ATP6V1C2: variants seen among roughly 807,000 people sequenced by gnomAD.
ATP6V1C2 encodes V-type proton ATPase subunit C 2.
A neutral mutation model predicts 56.8 loss-of-function variants in ATP6V1C2; 45 were observed. That is an observed-to-expected ratio of 0.79 (90% confidence interval 0.62 to 1.02). ATP6V1C2 has a LOEUF of 1.02. ATP6V1C2 is among the 50% of genes least tolerant of loss of function. The pLI is 0.00. For missense variants in ATP6V1C2, 463 were observed against 519.7 expected, an observed-to-expected ratio of 0.89 and a Z score of 1.06; for synonymous variants, 220 against 201.3, an observed-to-expected ratio of 1.09 and a Z score of -0.79.
intron 6 of ATP6V1C2, among the ~76,000 whole-genome samples, chr2:10,769,718 C>A (rs527839424): frequency 1.9e-4 from 28 of 149,988 alleles, no homozygotes; most frequent in East Asian, 4.0e-4. Context: ...AACAAACAAA[C>A]AAAAAAAACA....
At chr2:10,743,991 AAAAAAATAAT>A (rs754711431) in intron 3 of ATP6V1C2, among the ~76,000 whole-genome samples, 3 of 141,362 alleles carry the variant, frequency 2.1e-5, no homozygotes, top group Non-Finnish European at 4.7e-5. Context: ...CAAAAAAAAA[AAAAAAATAAT>A]AATAATAAAT....
At chr2:10,743,995 A>AAT (rs1662715695) in intron 3 of ATP6V1C2, among the ~76,000 whole-genome samples, 1 of 40,394 alleles carries the variant, frequency 2.5e-5, no homozygotes, top group African/African-American at 5.7e-5. Flanking sequence ...AAAAAAAAAA[A>AAT]AATAATAATA....
At position 10,760,842 on chromosome 2, in the gene ATP6V1C2, G is replaced by C. The variant is rs796075848; in HGVS notation, c.284-3489G>C. On this transcript the variant is annotated intron_variant, in intron 4 of 13. Coordinates refer to ENST00000272238, the MANE Select transcript of ATP6V1C2 (RefSeq NM_001039362.2). ...TGAATGCCATGAAGACCTTGGACTT[G>C]GTGCAAATGGCCAGAGACAAGAGCT... 2.6e-5 allele frequency among the ~76,000 whole-genome samples: 4 copies of C among 152,326 alleles called. 1 individual carries two copies. The highest frequency in any genetic ancestry group is 9.6e-5 in the African/African-American group (4 of 41,566).
chr2:10,760,767 T>C (rs1378779033), intron 4 of ATP6V1C2, among the ~76,000 whole-genome samples: 7 of 152,192 alleles, frequency 4.6e-5, no homozygotes, highest in African/African-American at 1.7e-4. Flanking sequence ...TTGGAGGAGT[T>C]ACAGGGCAGG....
In ATP6V1C2 at chr2:10,771,854, C is replaced by T. The variant is rs1337466089; in HGVS notation, c.486C>T (p.Thr162=). ...TGCCTTTTAGGGGGAACCTCTTCACCCGGACACTGAGTGATATTGTGAGCA... is the reference window on the plus strand; with the variant it reads ...TGCCTTTTAGGGGGAACCTCTTCACTCGGACACTGAGTGATATTGTGAGCA... ...LEKKSMGNLF[T]RTLSDIVSKE... The change falls in exon 7 of 14, where the codon ACC becomes ACT. Residue 162 remains threonine, a synonymous_variant. Transcript: ENST00000272238. 1 of 1,614,056 alleles carries T rather than the reference C, an allele frequency of 6.2e-7. No individual in the cohort carries two copies. Among genetic ancestry groups the T allele is most frequent in the Non-Finnish European group, 8.5e-7 (1 of 1,179,934 alleles).
intron 4 of ATP6V1C2, among the ~76,000 whole-genome samples, chr2:10,760,128 T>C (rs1188561094): frequency 6.6e-6 from 1 of 151,024 alleles, no homozygotes; most frequent in Non-Finnish European, 1.5e-5. Context: ...AATCCAGCAC[T>C]CTGGGAGGCC....
chr2:10,721,227 C>A (rs528006282), upstream of ATP6V1C2, among the ~76,000 whole-genome samples: 20 of 152,260 alleles, frequency 1.3e-4, no homozygotes, highest in Non-Finnish European at 8.8e-5. Flanking sequence ...GTAGGTGATT[C>A]CCCTGAGATC....
rs765278567 is a variant in ATP6V1C2, at chr2:10,739,231, C to T, written c.197+12662C>T. On this transcript the variant is annotated intron_variant, in intron 3 of 13. Coordinates refer to ENST00000272238, the MANE Select transcript of ATP6V1C2 (RefSeq NM_001039362.2). ...CCGGGAGACGGAGGTTGCGGTGAGCCGAGATCTCGCCATGGCACTCCAGCC... is the reference window on the plus strand; with the variant it reads ...CCGGGAGACGGAGGTTGCGGTGAGCTGAGATCTCGCCATGGCACTCCAGCC... 2.0e-5 allele frequency among the ~76,000 whole-genome samples: 3 copies of T among 152,094 alleles called. 1 individual carries two copies. Among genetic ancestry groups the T allele is most frequent in the East Asian group, 3.9e-4 (2 of 5,170 alleles).
At chr2:10,752,490 C>G (rs557314928) in intron 3 of ATP6V1C2, among the ~76,000 whole-genome samples, 6 of 152,268 alleles carry the variant, frequency 3.9e-5, no homozygotes, top group African/African-American at 9.6e-5. Flanking sequence ...GGAGAGAGAG[C>G]CTGAGGCAAT....
At chr2:10,747,430 T>C (rs1394598506) in intron 3 of ATP6V1C2, among the ~76,000 whole-genome samples, 1 of 152,232 alleles carries the variant, frequency 6.6e-6, no homozygotes, top group Non-Finnish European at 1.5e-5. Context: ...TTCCTTTACC[T>C]CTAAAAACTT....
At chr2:10,762,510 C>T (rs1663971675) in intron 4 of ATP6V1C2, among the ~76,000 whole-genome samples, 1 of 152,170 alleles carries the variant, frequency 6.6e-6, no homozygotes, top group South Asian at 2.1e-4. Context: ...GTGCCAGCCG[C>T]TTTAATGGTC....
intron 12 of ATP6V1C2, 50 bp from the exon 13 acceptor site, chr2:10,782,193 C>T (rs758390893): frequency 4.4e-6 from 7 of 1,605,420 alleles, no homozygotes; most frequent in East Asian, 2.2e-5. Flanking sequence ...TCCTTCTATC[C>T]GTGTTTGCAT....
In ATP6V1C2 at chr2:10,780,530, C is replaced by T. The variant is rs182213503; in HGVS notation, c.1062-1713C>T. 7.6e-4 allele frequency among the ~76,000 whole-genome samples: 116 copies of T among 152,334 alleles called. No individual in the cohort carries two copies. The highest frequency in any genetic ancestry group is 2.5e-3 in the African/African-American group (106 of 41,576). On this transcript the variant is annotated intron_variant, in intron 12 of 13. Coordinates refer to ENST00000272238, the MANE Select transcript of ATP6V1C2 (RefSeq NM_001039362.2). The surrounding 1 kb of genome is among the most constrained non-coding windows in gnomAD (Gnocchi z 4.1). Reference sequence around the variant, plus strand: ...TGCACGCCCATCTCAAAAGCCTGTACCGACACGGATGGCAGCATTGGGTTG... The same window carrying T: ...TGCACGCCCATCTCAAAAGCCTGTATCGACACGGATGGCAGCATTGGGTTG...
At position 10,764,797 on chromosome 2, in the gene ATP6V1C2, C is replaced by G. The variant is rs572885916; in HGVS notation, c.378+372C>G. Among the ~76,000 whole-genome samples the G allele has an allele frequency of 8.5e-5, 13 of 152,326 alleles. No homozygotes were observed. The South Asian group carries it at 2.5e-3, about 29-fold the overall frequency. On this transcript the variant is annotated intron_variant, in intron 5 of 13. Transcript: ENST00000272238. The stretch of plus-strand genomic sequence containing the variant: ...CCAGTCTGTCCAATATGGTGAAACC[C>G]TGTCTCTACTAAAAAATACAAAAAT...
At chr2:10,765,242 T>A (rs1389780787) in intron 5 of ATP6V1C2, among the ~76,000 whole-genome samples, 1 of 152,206 alleles carries the variant, frequency 6.6e-6, no homozygotes, top group Non-Finnish European at 1.5e-5. Context: ...GAACACCCTG[T>A]GACTCGAGTC....
chr2:10,769,799 T>C (rs1664469951), intron 6 of ATP6V1C2, among the ~76,000 whole-genome samples: 1 of 152,132 alleles, frequency 6.6e-6, no homozygotes, highest in Non-Finnish European at 1.5e-5. Flanking sequence ...GGGGTTGGCA[T>C]GGAGGAGCAG....
intron 3 of ATP6V1C2, 95 bp from the exon 4 acceptor site, chr2:10,753,886 G>T: frequency 8.7e-7 from 1 of 1,143,296 alleles, no homozygotes; most frequent in Non-Finnish European, 1.3e-6. Flanking sequence ...TTCCCCCAAA[G>T]GGTGTCACCA....
chr2:10,736,956 C>T (rs1484287979), intron 3 of ATP6V1C2, among the ~76,000 whole-genome samples: 1 of 152,008 alleles, frequency 6.6e-6, no homozygotes. Flanking sequence ...ACTATGTTGC[C>T]TAGACTAGTC....
rs111253807 is a variant in ATP6V1C2 at position 10,736,781 on chromosome 2, T to C, written c.197+10212T>C. Among the ~76,000 whole-genome samples the C allele has an allele frequency of 6.8e-3, 1,006 of 148,922 alleles. 10 individuals carry two copies. Among genetic ancestry groups the C allele is most frequent in the African/African-American group, 0.024 (957 of 40,488 alleles). On this transcript the variant is annotated intron_variant, in intron 3 of 13. Transcript: ENST00000272238. ...ATTTTGATATGTGGTATTTTCATTATTTTTTTCCTAGATATTGTGCTTTTT... is the reference window on the plus strand; with the variant it reads ...ATTTTGATATGTGGTATTTTCATTACTTTTTTCCTAGATATTGTGCTTTTT...
Sources: allele counts gnomAD v4.1 joint callset (sites outside exome capture counted in the v4.1 genomes callset), GRCh38; gene constraint gnomAD v4.1.1; non-coding constraint Gnocchi (gnomAD v3.1); transcripts MANE v1.5; gene names NCBI Gene and HGNC (gene_info 2026-07-23, HGNC 2026-07-21).